Variants in HS3ST2 observed in about 807,000 individuals in gnomAD.
HS3ST2 encodes heparan sulfate glucosamine 3-O-sulfotransferase 2.
In HS3ST2, 17 loss-of-function variants were observed where a neutral mutation model predicts 26.3. The ratio of observed to expected loss-of-function variants is 0.65; its 90% CI spans 0.44 to 0.97. HS3ST2 has a LOEUF of 0.97. HS3ST2 is among the 50% of genes least tolerant of loss of function. The pLI is 0.00. For missense variants in HS3ST2, 402 were observed against 501.2 expected, an observed-to-expected ratio of 0.80 and a Z score of 1.89; for synonymous variants, 237 against 219.2, an observed-to-expected ratio of 1.08 and a Z score of -0.72.
chr16:22,869,179 A>C (rs1901797847), intron 1 of HS3ST2, among the ~76,000 whole-genome samples: 1 of 151,856 alleles, frequency 6.6e-6, no homozygotes, highest in Non-Finnish European at 1.5e-5. Flanking sequence ...GCTGATCCTG[A>C]CTCTCTTCCT....
At chr16:22,883,067 C>A (rs1172875383) in intron 1 of HS3ST2, among the ~76,000 whole-genome samples, 1 of 151,512 alleles carries the variant, frequency 6.6e-6, no homozygotes, top group Non-Finnish European at 1.5e-5. Flanking sequence ...ACCATAGCAA[C>A]ATTCCTGCTA....
intron 1 of HS3ST2, among the ~76,000 whole-genome samples, chr16:22,871,978 C>T (rs568099364): frequency 2.0e-5 from 3 of 152,116 alleles, no homozygotes; most frequent in South Asian, 4.1e-4. Flanking sequence ...TCTTTTGGTA[C>T]CAGTGTAACG....
intron 1 of HS3ST2, among the ~76,000 whole-genome samples, chr16:22,847,965 G>A (rs1901466638): frequency 6.6e-6 from 1 of 151,974 alleles, no homozygotes; most frequent in South Asian, 2.1e-4. Flanking sequence ...AAAAGAAAGA[G>A]TGAGAAAGAA....
intron 1 of HS3ST2, among the ~76,000 whole-genome samples, chr16:22,822,071 C>T (rs1019257214): frequency 5.9e-5 from 9 of 152,210 alleles, no homozygotes; most frequent in Admixed American, 5.9e-4. Flanking sequence ...GCTAAAGGAC[C>T]TCTCACACTG....
chr16:22,837,578 T>C (rs150356), intron 1 of HS3ST2, among the ~76,000 whole-genome samples: 21,670 of 140,082 alleles, frequency 0.15, 1,932 homozygotes, highest in East Asian at 0.23. Context: ...TATATATATA[T>C]ACACACACAC....
chr16:22,873,113 T>C (rs1901860824), intron 1 of HS3ST2, among the ~76,000 whole-genome samples: 1 of 152,228 alleles, frequency 6.6e-6, no homozygotes, highest in African/African-American at 2.4e-5. Flanking sequence ...TAGAAAAGTA[T>C]CTGGCATGTA....
intron 1 of HS3ST2, among the ~76,000 whole-genome samples, chr16:22,861,732 A>C (rs1901676970): frequency 6.6e-6 from 1 of 152,164 alleles, no homozygotes; most frequent in Admixed American, 6.5e-5. Context: ...GGCCTCCGGC[A>C]TCTCATGTGA....
Position 22,814,418 on chromosome 16 carries a change from C to T in HS3ST2, c.-193C>T. On this transcript the variant is annotated 5_prime_UTR_variant, in exon 1 of 2. Coordinates refer to ENST00000261374, the MANE Select transcript of HS3ST2 (RefSeq NM_006043.2). ...ATGCAACCGCCTGTTCCCCGAGGAGCCGCTGCCCCCGGGACCCCCTGGCAC... is the reference window on the plus strand; with the variant it reads ...ATGCAACCGCCTGTTCCCCGAGGAGTCGCTGCCCCCGGGACCCCCTGGCAC... 4.1e-6 allele frequency: 2 copies of T among 491,230 alleles called. No homozygotes were observed. 30.4% of individuals were successfully genotyped at this position (491,230 alleles called of 1,614,324 possible).
At chr16:22,891,673 C>T (rs1902131441) in intron 1 of HS3ST2, among the ~76,000 whole-genome samples, 1 of 152,036 alleles carries the variant, frequency 6.6e-6, no homozygotes, top group Non-Finnish European at 1.5e-5. Flanking sequence ...TGCAATATTT[C>T]TATCTTCTTT....
At chr16:22,825,363 T>TAAAGG in intron 1 of HS3ST2, among the ~76,000 whole-genome samples, 1 of 152,212 alleles carries the variant, frequency 6.6e-6, no homozygotes, top group Non-Finnish European at 1.5e-5. Flanking sequence ...CATCATACCT[T>TAAAGG]TATTCAGCAG....
At chr16:22,900,107 G>C (rs754205302) in intron 1 of HS3ST2, among the ~76,000 whole-genome samples, 1 of 152,196 alleles carries the variant, frequency 6.6e-6, no homozygotes, top group Non-Finnish European at 1.5e-5. Flanking sequence ...GTCTCCTGCA[G>C]GTACTCAGGG....
At chr16:22,836,087 G>A (rs1901249781) in intron 1 of HS3ST2, among the ~76,000 whole-genome samples, 3 of 151,790 alleles carry the variant, frequency 2.0e-5, no homozygotes, top group Admixed American at 2.0e-4. Context: ...ACAAAATTAG[G>A]AATGAGAAAG....
chr16:22,912,884 C>T (rs1233617141), intron 1 of HS3ST2, among the ~76,000 whole-genome samples: 1 of 152,004 alleles, frequency 6.6e-6, no homozygotes, highest in Non-Finnish European at 1.5e-5. Flanking sequence ...TTCTTCCCCG[C>T]CCTGTTTTAG....
chr16:22,837,282 T>C (rs1901272932), intron 1 of HS3ST2, among the ~76,000 whole-genome samples: 1 of 151,770 alleles, frequency 6.6e-6, no homozygotes, highest in South Asian at 2.1e-4. Flanking sequence ...ATAATAATCA[T>C]ACTGGGATGA....
intron 1 of HS3ST2, among the ~76,000 whole-genome samples, chr16:22,897,537 A>G (rs1343709926): frequency 2.6e-5 from 4 of 152,238 alleles, no homozygotes; most frequent in African/African-American, 4.8e-5. Context: ...TTGTGTTTAG[A>G]TCAATTTACA....
intron 1 of HS3ST2, 41 bp from the exon 2 acceptor site, chr16:22,914,903 A>G: frequency 6.4e-7 from 1 of 1,564,620 alleles, no homozygotes; most frequent in Non-Finnish European, 8.6e-7. Context: ...GCCTGGCCCC[A>G]GGGAAACCTA....
At chr16:22,837,482 T>C (rs1194856164) in intron 1 of HS3ST2, among the ~76,000 whole-genome samples, 3 of 140,590 alleles carry the variant, frequency 2.1e-5, no homozygotes, top group Non-Finnish European at 4.6e-5. Flanking sequence ...GTTTTTTTCC[T>C]ATGTGTGTGT....
At chr16:22,870,909 T>C (rs570194523) in intron 1 of HS3ST2, among the ~76,000 whole-genome samples, 1 of 152,308 alleles carries the variant, frequency 6.6e-6, no homozygotes, top group East Asian at 1.9e-4. Flanking sequence ...TAACTTACAA[T>C]GGTTCAACTT....
chr16:22,833,497 AG>A (rs1901206497), intron 1 of HS3ST2: 1 of 375,306 alleles, frequency 2.7e-6, no homozygotes, highest in Non-Finnish European at 5.3e-6. Context: ...GGAGGGGCAG[AG>A]GATGGTGTCA....
Sources: gnomAD v4.1 joint callset for allele counts (sites outside exome capture counted in the v4.1 genomes callset) on GRCh38, gnomAD v4.1.1 for gene constraint, MANE v1.5 for transcripts, NCBI Gene and HGNC (gene_info 2026-07-23, HGNC 2026-07-21) for gene names.